TIAM1: variants seen among roughly 807,000 people sequenced by gnomAD.
TIAM1 encodes TIAM Rac1 associated GEF 1.
A neutral mutation model predicts 163.5 loss-of-function variants in TIAM1; 65 were observed. The observed-to-expected ratio is 0.40, with a 90% CI of 0.33 to 0.49. The LOEUF (loss-of-function observed/expected upper bound fraction) is 0.49. TIAM1 is among the 20% of genes least tolerant of loss of function. TIAM1 has a pLI of 0.77. For missense variants in TIAM1, 1,789 were observed against 2,044.7 expected, an observed-to-expected ratio of 0.87 and a Z score of 2.41; for synonymous variants, 833 against 810.1, an observed-to-expected ratio of 1.03 and a Z score of -0.48.
intron 1 of TIAM1, among the ~76,000 whole-genome samples, chr21:31,534,821 T>C (rs1245328589): frequency 1.3e-5 from 2 of 152,188 alleles, no homozygotes; most frequent in African/African-American, 4.8e-5. Context: ...GTATCTTTGT[T>C]GTCATAAAAT....
At chr21:31,413,997 T>A (rs1458405145) in intron 2 of TIAM1, among the ~76,000 whole-genome samples, 1 of 152,206 alleles carries the variant, frequency 6.6e-6, no homozygotes, top group Non-Finnish European at 1.5e-5. Context: ...TCAAGGCAAC[T>A]GCAAACATGA....
chr21:31,197,366 C>T (rs996907937), intron 12 of TIAM1, among the ~76,000 whole-genome samples: 2 of 151,586 alleles, frequency 1.3e-5, no homozygotes, highest in African/African-American at 2.4e-5. Context: ...ATCAATATTT[C>T]ATTTTCTTTT....
At chr21:31,295,340 G>C (rs551198147) in intron 2 of TIAM1, among the ~76,000 whole-genome samples, 6 of 151,968 alleles carry the variant, frequency 3.9e-5, no homozygotes, top group African/African-American at 7.3e-5. Flanking sequence ...CGTGGTGGCA[G>C]GCACCTGTAG....
chr21:31,344,296 G>C (rs989300699), upstream of TIAM1: 4 of 152,264 alleles, frequency 2.6e-5, no homozygotes, highest in South Asian at 4.1e-4. Flanking sequence ...GGTCACTTGG[G>C]TGTGTTGGAG....
In TIAM1 at chr21:31,201,062, T is replaced by C. The variant is rs1037697097; in HGVS notation, c.2493+1846A>G. ...AGTCCATACAATTTCAAAAACTATG[T>C]CTGAAGTACCTATACCTCTTATGTG... On this transcript the variant is annotated intron_variant, in intron 12 of 27. Coordinates refer to ENST00000541036, the MANE Select transcript of TIAM1 (RefSeq NM_001353694.2). 3.9e-5 allele frequency among the ~76,000 whole-genome samples: 6 copies of C among 152,194 alleles called. No homozygotes were observed. In the East Asian group the frequency reaches 1.2e-3, roughly 29 times the overall value.
intron 10 of TIAM1, among the ~76,000 whole-genome samples, chr21:31,210,421 A>G (rs1053938535): frequency 6.6e-6 from 1 of 151,236 alleles, no homozygotes; most frequent in African/African-American, 2.4e-5. Context: ...TTCAAACTTC[A>G]GCTGTGAGGC....
Position 31,488,075 on chromosome 21 carries a change from C to T in TIAM1, c.-421-24040G>A, listed in dbSNP as rs568133023. Among the ~76,000 whole-genome samples, 6 of 152,338 alleles carry T rather than the reference C, an allele frequency of 3.9e-5. No homozygotes were observed. In the East Asian group the frequency reaches 1.2e-3, roughly 29 times the overall value. ...CTGACCTCAGGTGATCCACCCACTT[C>T]GGCCTCCCGAAGTGCTGGGATTACA... On this transcript the variant is annotated intron_variant, in intron 1 of 28. Transcript: ENST00000286827.
intron 5 of TIAM1, among the ~76,000 whole-genome samples, chr21:31,248,638 T>C (rs1468819198): frequency 6.6e-6 from 1 of 152,248 alleles, no homozygotes; most frequent in African/African-American, 2.4e-5. Flanking sequence ...AGTTCCAACA[T>C]GTTCTGCTTT....
At chr21:31,344,994 C>T (rs888594772), upstream of TIAM1, among the ~76,000 whole-genome samples, 3 of 152,140 alleles carry the variant, frequency 2.0e-5, no homozygotes, top group African/African-American at 2.4e-5. Flanking sequence ...ACCAGAAAGC[C>T]ATGCAATGAA....
intron 9 of TIAM1, among the ~76,000 whole-genome samples, chr21:31,217,268 C>T (rs955611886): frequency 1.3e-5 from 2 of 151,470 alleles, no homozygotes; most frequent in Non-Finnish European, 2.9e-5. Context: ...CCTGCTTTTT[C>T]CTGAAGACTC....
At chr21:31,499,084 T>C (rs1054758317) in intron 1 of TIAM1, among the ~76,000 whole-genome samples, 5 of 152,166 alleles carry the variant, frequency 3.3e-5, no homozygotes, top group Non-Finnish European at 1.5e-5. Flanking sequence ...TCTATTTATT[T>C]GGCAAAGATA....
chr21:31,235,858 A>T (rs1055069117), intron 6 of TIAM1, among the ~76,000 whole-genome samples: 1 of 152,182 alleles, frequency 6.6e-6, no homozygotes, highest in Admixed American at 6.5e-5. Context: ...CACCCACAAG[A>T]AGGCATAAAA....
intron 9 of TIAM1, among the ~76,000 whole-genome samples, chr21:31,213,866 C>CCAAAAAAAAAAAAA (rs71318260): frequency 5.1e-4 from 28 of 54,840 alleles, no homozygotes; most frequent in African/African-American, 1.6e-3. Context: ...CTCATCTCTA[C>CCAAAAAAAAAAAAA]AAAAAAAAAA....
At position 31,213,385 on chromosome 21, in the gene TIAM1, C is replaced by A; in HGVS notation, c.2217+13G>T. The A allele has an allele frequency of 1.2e-6, 2 of 1,606,430 alleles. No homozygotes were observed. Among genetic ancestry groups the A allele is most frequent in the Non-Finnish European group, 1.7e-6 (2 of 1,176,980 alleles). ...TGGTACTTTTAGAAAAGAAAACACACGTTTATTTTTACCTTGCCATCTGGA... is the reference window on the plus strand; with the variant it reads ...TGGTACTTTTAGAAAAGAAAACACAAGTTTATTTTTACCTTGCCATCTGGA... On this transcript the variant is annotated intron_variant, in intron 10 of 27. Coordinates refer to ENST00000541036, the MANE Select transcript of TIAM1 (RefSeq NM_001353694.2).
In TIAM1 at chr21:31,141,630, G is replaced by T; in HGVS notation, c.3476-126C>A. 1 of 1,069,832 alleles carries T rather than the reference G, an allele frequency of 9.3e-7. No individual in the cohort carries two copies. The allele number at this position is 1,069,832 out of a possible 1,614,324, so 66.3% of individuals were successfully genotyped here. On this transcript the variant is annotated intron_variant, in intron 20 of 27. Transcript: ENST00000541036. This position sits in a 1 kb window ranked among gnomAD's most constrained non-coding sequence, Gnocchi z 4.7. ...AGGACTGAGCAGAGAGTGGGTGGCA[G>T]GAAGAGGGACAGGTAGGGGAGGGGG...
At chr21:31,297,818 T>C (rs761645451) in intron 2 of TIAM1, among the ~76,000 whole-genome samples, 1 of 152,144 alleles carries the variant, frequency 6.6e-6, no homozygotes, top group Non-Finnish European at 1.5e-5. Context: ...TACGATGAAC[T>C]CAGAGGGCTA....
intron 2 of TIAM1, among the ~76,000 whole-genome samples, chr21:31,453,585 C>A (rs527909600): frequency 6.6e-6 from 1 of 151,896 alleles, no homozygotes; most frequent in African/African-American, 2.4e-5. Context: ...CCCAGCTACT[C>A]GGGAGGCTGA....
chr21:31,226,680 C>T (rs540925571), intron 6 of TIAM1, among the ~76,000 whole-genome samples: 1 of 152,204 alleles, frequency 6.6e-6, no homozygotes, highest in Admixed American at 6.5e-5. Context: ...TGTGATAACT[C>T]GCTATTAATG....
At chr21:31,223,987 G>A (rs2087779921) in intron 7 of TIAM1, among the ~76,000 whole-genome samples, 1 of 152,202 alleles carries the variant, frequency 6.6e-6, no homozygotes, top group Non-Finnish European at 1.5e-5. Flanking sequence ...AAGGCTAGAA[G>A]CAATGGACCA....
Sources: gnomAD v4.1 joint callset for allele counts (sites outside exome capture counted in the v4.1 genomes callset) on GRCh38, gnomAD v4.1.1 for gene constraint, Gnocchi (gnomAD v3.1) non-coding constraint, MANE v1.5 for transcripts, NCBI Gene and HGNC (gene_info 2026-07-23, HGNC 2026-07-21) for gene names.